CLPTM1: variants seen among roughly 807,000 people sequenced by gnomAD.
CLPTM1 encodes the protein CLPTM1 regulator of GABA type A receptor forward trafficking, also known as putative lipid scramblase CLPTM1.
Under a neutral mutation model 77.3 loss-of-function variants are expected in CLPTM1, and 21 were observed. The ratio of observed to expected loss-of-function variants is 0.27; its 90% CI spans 0.19 to 0.39. The LOEUF (loss-of-function observed/expected upper bound fraction) is 0.39, where lower values mean the gene tolerates loss of function less well. Ranked by LOEUF, CLPTM1 falls within the 10% of genes least tolerant of loss-of-function variation. The pLI, the probability that CLPTM1 is intolerant of heterozygous loss-of-function variation, is 1.00. For missense variants in CLPTM1, 642 were observed against 921.2 expected (o/e 0.70, Z 3.92); for synonymous variants, 373 against 381.0 (o/e 0.98, Z 0.24).
chr19:44,981,971 C>G lies in CLPTM1; in HGVS notation c.587-3247C>G, dbSNP rs184909918. On this transcript the variant is annotated intron_variant, in intron 5 of 13. Coordinates refer to ENST00000337392, the MANE Select transcript of CLPTM1 (RefSeq NM_001294.4). Reference sequence around the variant, plus strand: ...ATATCAATAATAGTTTAATTGAGCTCAACATATTCTCGTTTCAACATATGA... The same window carrying G: ...ATATCAATAATAGTTTAATTGAGCTGAACATATTCTCGTTTCAACATATGA... Among the ~76,000 whole-genome samples the G allele has an allele frequency of 3.3e-5, 5 of 151,996 alleles. No homozygotes were observed. In the East Asian group the frequency reaches 7.7e-4, roughly 23 times the overall value.
rs553241811 is a variant in CLPTM1 at position 44,976,266 on chromosome 19, G to C, written c.469-1077G>C. On this transcript the variant is annotated intron_variant, in intron 4 of 13. Transcript: ENST00000337392. ...CAGGGCCTGGCAGGCCCAGCAGGGG[G>C]ATCTGCTTCCAAGGGCTTGGATCTA... is the stretch of plus-strand genomic sequence containing the variant. Among the ~76,000 whole-genome samples, 12 of 152,304 alleles carry C rather than the reference G, an allele frequency of 7.9e-5. No individual in the cohort carries two copies. The South Asian group carries it at 2.5e-3, about 32-fold the overall frequency.
intron 2 of CLPTM1, among the ~76,000 whole-genome samples, chr19:44,968,497 C>T (rs867772181): frequency 4.7e-4 from 72 of 152,312 alleles, no homozygotes; most frequent in African/African-American, 1.6e-3. Flanking sequence ...GATTTAATGT[C>T]TGTTTTCTTT....
At chr19:44,977,884 G>C (rs1351438567) in intron 5 of CLPTM1, among the ~76,000 whole-genome samples, 1 of 152,156 alleles carries the variant, frequency 6.6e-6, no homozygotes, top group Non-Finnish European at 1.5e-5. Context: ...GGGAGACAAG[G>C]TGGGCAGATT....
chr19:44,973,307 T>G, intron 3 of CLPTM1, 97 bp downstream of exon 3: 2 of 1,533,308 alleles, frequency 1.3e-6, no homozygotes, highest in Non-Finnish European at 1.8e-6. Context: ...GACCAGGTCC[T>G]TGCTCACTGG....
intron 7 of CLPTM1, chr19:44,986,838 G>A: frequency 1.9e-6 from 1 of 536,982 alleles, no homozygotes; most frequent in Admixed American, 3.6e-5. Context: ...TTCAAAAAAT[G>A]TCTTATCACT....
chr19:44,987,728 T>C (rs1408879495), intron 8 of CLPTM1: 4 of 544,190 alleles, frequency 7.4e-6, no homozygotes, highest in Non-Finnish European at 1.3e-5. Context: ...GTCTCTGCCA[T>C]CTCACTGGGT....
At chr19:44,988,635 C>T (rs1458364044) in intron 9 of CLPTM1, among the ~76,000 whole-genome samples, 1 of 152,256 alleles carries the variant, frequency 6.6e-6, no homozygotes, top group Admixed American at 6.5e-5. Flanking sequence ...GGAGAAGCAG[C>T]CACATGCCAG....
intron 4 of CLPTM1, 102 bp downstream of exon 4, chr19:44,974,699 T>G (rs1970779374): frequency 2.2e-6 from 3 of 1,355,208 alleles, no homozygotes; most frequent in Non-Finnish European, 3.0e-6. Context: ...GAGTTTGGGC[T>G]CCAGGCTTGG....
chr19:44,973,619 C>T (rs1023148686), intron 3 of CLPTM1, among the ~76,000 whole-genome samples: 2 of 152,072 alleles, frequency 1.3e-5, no homozygotes, highest in Non-Finnish European at 1.5e-5. Flanking sequence ...CCTGCACTTC[C>T]ACAGTGGGCT....
chr19:44,979,370 T>A (rs79782844), intron 5 of CLPTM1, among the ~76,000 whole-genome samples: 1,709 of 152,258 alleles, frequency 0.011, 28 homozygotes, highest in African/African-American at 0.039. Flanking sequence ...TGAGCGGAGC[T>A]GGAGAATGGC....
intron 5 of CLPTM1, among the ~76,000 whole-genome samples, chr19:44,981,118 G>A (rs1970889427): frequency 6.6e-6 from 1 of 151,664 alleles, no homozygotes; most frequent in African/African-American, 2.4e-5. Flanking sequence ...TGGGATTACA[G>A]GCATGAGCCA....
chr19:44,961,979 G>A lies in CLPTM1; in HGVS notation c.89G>A (p.Ser30Asn). The A allele has an allele frequency of 6.2e-7, 1 of 1,605,898 alleles. No homozygotes were observed. Among genetic ancestry groups the A allele is most frequent in the Non-Finnish European group, 8.5e-7 (1 of 1,177,234 alleles). The change falls in exon 2 of 14, where the codon AGC becomes AAC. Residue 30 changes from serine to asparagine, a missense_variant. Coordinates refer to ENST00000337392, the MANE Select transcript of CLPTM1 (RefSeq NM_001294.4). ...CCCCCACAGGTGACCAGCAATGGCA[G>A]CATCGGGAGGGACCCGCCAGCGGAG... ...GSSGQVTSNG[S>N]IGRDPPAETQ... is the part of the protein sequence containing the mutation.
chr19:44,980,032 G>A (rs1307368590), intron 5 of CLPTM1, among the ~76,000 whole-genome samples: 1 of 152,274 alleles, frequency 6.6e-6, no homozygotes, highest in Non-Finnish European at 1.5e-5. Flanking sequence ...GTGTGGTGAG[G>A]TTTATTCACA....
At chr19:44,985,342 C>T in intron 6 of CLPTM1, 39 bp downstream of exon 6, 1 of 1,390,578 alleles carries the variant, frequency 7.2e-7, no homozygotes, top group Non-Finnish European at 1.0e-6. Flanking sequence ...AGGGACCAAG[C>T]CAGGCCATTC....
chr19:44,956,204 G>T (rs1484451455), intron 1 of CLPTM1, among the ~76,000 whole-genome samples: 1 of 152,188 alleles, frequency 6.6e-6, no homozygotes, highest in African/African-American at 2.4e-5. Flanking sequence ...CCACCCACTG[G>T]GATGTCACTG....
rs767089158 is a variant in CLPTM1, at chr19:44,992,873, A to G, written c.1986A>G (p.Pro662=). ...AGCCCCAGGAAGCCCCTCCAAAGCC[A>G]GCAGAGGACAAGAAAAAGGATTAGT... is the stretch of plus-strand genomic sequence containing the variant. ...ASEPQEAPPK[P]AEDKKKD The change falls in exon 14 of 14, where the codon CCA becomes CCG. Residue 662 remains proline (P), a synonymous_variant. Coordinates refer to ENST00000337392, the MANE Select transcript of CLPTM1 (RefSeq NM_001294.4). This position sits in a 1 kb window ranked among gnomAD's most constrained non-coding sequence, Gnocchi z 7.7. 2.5e-6 allele frequency: 4 copies of G among 1,613,756 alleles called. No homozygotes were observed. The highest frequency in any genetic ancestry group is 3.4e-6 in the Non-Finnish European group (4 of 1,179,896).
chr19:44,987,379 G>A lies in CLPTM1; in HGVS notation c.994G>A (p.Asp332Asn), dbSNP rs756893559. 4 of 1,614,034 alleles carry A rather than the reference G, an allele frequency of 2.5e-6. No individual in the cohort carries two copies. The South Asian group carries it at 3.3e-5, about 13-fold the overall frequency. ...CAAGTCGCCCTGGAACTTCCTGGGTGATGAGTTGTACGAGCAGTCAGATGA... is the reference window on the plus strand; with the variant it reads ...CAAGTCGCCCTGGAACTTCCTGGGTAATGAGTTGTACGAGCAGTCAGATGA... ...STKSPWNFLG[D>N]ELYEQSDEEQ... The change falls in exon 8 of 14, where the codon GAT (aspartate) becomes AAT (asparagine). Residue 332 changes from aspartate to asparagine, a missense_variant. By Grantham distance (23) the Asp-to-Asn change is conservative. Transcript: ENST00000337392.
At position 44,962,085 on chromosome 19, in the gene CLPTM1, C is replaced by G; in HGVS notation, c.185+10C>G. 1 of 1,536,406 alleles carries G rather than the reference C, an allele frequency of 6.5e-7. No homozygotes were observed. Among genetic ancestry groups the G allele is most frequent in the Non-Finnish European group, 8.8e-7 (1 of 1,135,672 alleles). Reference sequence around the variant, plus strand: ...AAGGTGTGCTGTTTAGGTGAGCAGACGGGACTTGGGTTTGTTCACCGAAAA... The same window carrying G: ...AAGGTGTGCTGTTTAGGTGAGCAGAGGGGACTTGGGTTTGTTCACCGAAAA... On this transcript the variant is annotated intron_variant, in intron 2 of 13. Coordinates refer to ENST00000337392, the MANE Select transcript of CLPTM1 (RefSeq NM_001294.4).
chr19:44,961,090 C>A, intron 1 of CLPTM1, among the ~76,000 whole-genome samples: 1 of 152,222 alleles, frequency 6.6e-6, no homozygotes, highest in East Asian at 1.9e-4. Flanking sequence ...TTCTGTCATT[C>A]TGCTTCTGCG....
Sources: allele counts gnomAD v4.1 joint callset (sites outside exome capture counted in the v4.1 genomes callset), GRCh38; gene constraint gnomAD v4.1.1; non-coding constraint Gnocchi (gnomAD v3.1); transcripts MANE v1.5; gene names NCBI Gene and HGNC (gene_info 2026-07-23, HGNC 2026-07-21).